The following MICAL3 variants were observed in gnomAD, a reference collection of about 807,000 sequenced individuals.
MICAL3 encodes the protein microtubule associated monooxygenase, calponin and LIM domain containing 3, also known as [F-actin]-monooxygenase MICAL3.
Under a neutral mutation model 207.4 loss-of-function variants are expected in MICAL3, and 62 were observed. That is an observed-to-expected ratio of 0.30 (90% CI 0.24 to 0.37). The LOEUF is 0.37. Among genes scored for constraint, MICAL3 ranks in the 10% least tolerant of loss-of-function variants. The pLI is 1.00. For missense variants in MICAL3, 2,368 were observed against 2,635.6 expected, an observed-to-expected ratio of 0.90 and a Z score of 2.22; for synonymous variants, 1,077 against 1,069.3, an observed-to-expected ratio of 1.01 and a Z score of -0.14.
chr22:17,859,142 C>G (rs532557164), intron 19 of MICAL3, among the ~76,000 whole-genome samples: 4 of 152,164 alleles, frequency 2.6e-5, no homozygotes, highest in African/African-American at 9.7e-5. Flanking sequence ...AGGAAAATGA[C>G]GGTGTCACAG....
chr22:17,907,510 C>T (rs5992898), intron 1 of MICAL3, among the ~76,000 whole-genome samples: 2,535 of 152,270 alleles, frequency 0.017, 34 homozygotes, highest in East Asian at 0.026. Flanking sequence ...AGGTGCTTAC[C>T]GGGAAGTCGG....
chr22:17,818,447 C>T lies in MICAL3; in HGVS notation c.4214G>A (p.Arg1405Gln), dbSNP rs780451031. ...EGEPLSLPTPRSPSDRELRSA... is the reference protein window; with the variant it reads ...EGEPLSLPTPQSPSDRELRSA... Reference sequence around the variant, plus strand: ...GCGTAGCTCTCTGTCGGACGGGGACCGGGGGGTTGGCAGGGACAACGGCTC... The same window carrying T: ...GCGTAGCTCTCTGTCGGACGGGGACTGGGGGGTTGGCAGGGACAACGGCTC... The change falls in exon 26 of 32, where the codon CGG becomes CAG. Residue 1405 changes from arginine to glutamine, a missense_variant. Coordinates refer to ENST00000441493, the MANE Select transcript of MICAL3 (RefSeq NM_015241.3). 20 of 1,612,748 alleles carry T rather than the reference C, an allele frequency of 1.2e-5. No individual in the cohort carries two copies. Among genetic ancestry groups the T allele is most frequent in the Admixed American group, 3.3e-5 (2 of 60,010 alleles).
intron 1 of MICAL3, among the ~76,000 whole-genome samples, chr22:17,944,764 T>C (rs1045662440): frequency 3.6e-4 from 55 of 152,046 alleles, no homozygotes; most frequent in Non-Finnish European, 4.3e-4. Flanking sequence ...CAACTGGACA[T>C]GTTAAGAGAA....
intron 1 of MICAL3, among the ~76,000 whole-genome samples, chr22:18,017,032 G>T (rs1014757406): frequency 6.6e-6 from 1 of 152,132 alleles, no homozygotes; most frequent in Non-Finnish European, 1.5e-5. Flanking sequence ...TGTAGTGGGG[G>T]GAACAGAAAT....
At chr22:17,864,696 CACCA>C in intron 19 of MICAL3, 199 bp downstream of exon 19, 2 of 1,611,938 alleles carry the variant, frequency 1.2e-6, no homozygotes, top group Non-Finnish European at 1.7e-6. Context: ...CTCTGATTTG[CACCA>C]GCACCTCCGA....
chr22:18,011,182 C>T (rs1170273101), intron 1 of MICAL3, among the ~76,000 whole-genome samples: 1 of 152,182 alleles, frequency 6.6e-6, no homozygotes, highest in Non-Finnish European at 1.5e-5. Context: ...CCATCATTGA[C>T]AAGTAGGCAG....
At chr22:17,875,686 A>T in intron 16 of MICAL3, 7 of 382,914 alleles carry the variant, frequency 1.8e-5, no homozygotes, top group South Asian at 9.8e-5. Flanking sequence ...GTATAGTAAA[A>T]AAAAAAAAAA....
chr22:17,967,484 A>ACACACACACACACACC (rs1556491218), intron 1 of MICAL3, among the ~76,000 whole-genome samples: 1 of 133,788 alleles, frequency 7.5e-6, no homozygotes, highest in African/African-American at 3.1e-5. Flanking sequence ...ACACACACAC[A>ACACACACACACACACC]CACACACACC....
In MICAL3 at chr22:17,945,151, G is replaced by C. The variant is rs149437476; in HGVS notation, c.-74-38265C>G. ...CAACTCCAACTCTCCCTGACCCCCAGGAAAAAAGCCTCAAGTCCTCTCTCA... is the reference window on the plus strand; with the variant it reads ...CAACTCCAACTCTCCCTGACCCCCACGAAAAAAGCCTCAAGTCCTCTCTCA... On this transcript the variant is annotated intron_variant, in intron 1 of 31. Coordinates refer to ENST00000441493, the MANE Select transcript of MICAL3 (RefSeq NM_015241.3). Among the ~76,000 whole-genome samples, 689 of 151,518 alleles carry C rather than the reference G, an allele frequency of 4.5e-3. 4 individuals are homozygous for C. The highest frequency in any genetic ancestry group is 7.2e-3 in the Non-Finnish European group (489 of 67,858).
At position 17,841,772 on chromosome 22, in the gene MICAL3, G is replaced by T; in HGVS notation, c.2801+50C>A. ...AACCGAGACACACAGAGGTGAGGAG[G>T]CTCTTAGGGCCGTGTGGCGGGTGGG... On this transcript the variant is annotated intron_variant, in intron 20 of 31. Coordinates refer to ENST00000441493, the MANE Select transcript of MICAL3 (RefSeq NM_015241.3). The surrounding 1 kb of genome is among the most constrained non-coding windows in gnomAD (Gnocchi z 4.2). 1 of 1,521,072 alleles carries T rather than the reference G, an allele frequency of 6.6e-7. No individual in the cohort carries two copies. Among genetic ancestry groups the T allele is most frequent in the Non-Finnish European group, 8.9e-7 (1 of 1,125,864 alleles). 94.2% of individuals were successfully genotyped at this position (1,521,072 alleles called of 1,614,324 possible).
At chr22:17,825,828 A>G (rs760771778) in intron 22 of MICAL3, among the ~76,000 whole-genome samples, 17 of 152,194 alleles carry the variant, frequency 1.1e-4, no homozygotes, top group African/African-American at 3.1e-4. Flanking sequence ...AAATGCCAGT[A>G]GCCCCTCGGT....
intron 19 of MICAL3, among the ~76,000 whole-genome samples, chr22:17,847,664 T>C (rs1188159616): frequency 1.3e-5 from 2 of 152,216 alleles, no homozygotes; most frequent in African/African-American, 2.4e-5. Flanking sequence ...ATGGCGCTGA[T>C]TGAAATGACT....
At chr22:17,962,916 A>T (rs966898134) in intron 1 of MICAL3, among the ~76,000 whole-genome samples, 1 of 151,742 alleles carries the variant, frequency 6.6e-6, no homozygotes, top group Non-Finnish European at 1.5e-5. Context: ...GCCCAGCTAA[A>T]TTTTTTTTTA....
intron 1 of MICAL3, chr22:17,983,480 T>A (rs1056104811): frequency 7.1e-6 from 1 of 141,748 alleles, no homozygotes; most frequent in African/African-American, 2.8e-5. Context: ...CTACCTATTA[T>A]CCTCATGACA....
chr22:17,886,698 G>C (rs930955246), intron 15 of MICAL3, among the ~76,000 whole-genome samples: 2 of 151,972 alleles, frequency 1.3e-5, no homozygotes, highest in African/African-American at 4.8e-5. Context: ...CCAGCTACTT[G>C]GGAGGCTGAG....
chr22:18,021,638 G>T (rs57597439), intron 1 of MICAL3, among the ~76,000 whole-genome samples: 1 of 152,322 alleles, frequency 6.6e-6, no homozygotes, highest in African/African-American at 2.4e-5. Flanking sequence ...GAGGGAGTGG[G>T]GCATGGGAGA....
intron 1 of MICAL3, 22 bp from the exon 2 acceptor site, chr22:17,906,908 G>A (rs1393053856): frequency 7.2e-6 from 9 of 1,250,918 alleles, no homozygotes; most frequent in Middle Eastern, 2.7e-4. Context: ...AAAGAAAAAC[G>A]TGGTTAGCAT....
At chr22:17,955,150 G>A (rs1209955320) in intron 1 of MICAL3, among the ~76,000 whole-genome samples, 1 of 152,182 alleles carries the variant, frequency 6.6e-6, no homozygotes, top group Non-Finnish European at 1.5e-5. Flanking sequence ...TAGCCACTGA[G>A]AATGTCCAGC....
intron 1 of MICAL3, among the ~76,000 whole-genome samples, chr22:17,924,802 A>C (rs1212371644): frequency 6.6e-6 from 1 of 152,236 alleles, no homozygotes; most frequent in African/African-American, 2.4e-5. Context: ...AACAGCAGGT[A>C]TTTCATAAAC....
Sources: allele counts gnomAD v4.1 joint callset (sites outside exome capture counted in the v4.1 genomes callset), GRCh38; gene constraint gnomAD v4.1.1; non-coding constraint Gnocchi (gnomAD v3.1); transcripts MANE v1.5; gene names NCBI Gene and HGNC (gene_info 2026-07-23, HGNC 2026-07-21).